The following SPEF2 variants were observed in gnomAD, a reference collection of about 807,000 sequenced individuals.
SPEF2 encodes sperm flagellar and cilia associated 2.
A neutral mutation model predicts 224.6 loss-of-function variants in SPEF2; 187 were observed. That is an observed-to-expected ratio of 0.83 (90% CI 0.74 to 0.94). SPEF2 has a LOEUF of 0.94. Among genes scored for constraint, SPEF2 ranks in the 40% least tolerant of loss-of-function variants. The pLI, the probability that SPEF2 is intolerant of heterozygous loss-of-function variation, is 0.00. For missense variants in SPEF2, 2,170 were observed against 2,135.6 expected (o/e 1.02, Z -0.32); for synonymous variants, 715 against 707.3 (o/e 1.01, Z -0.17).
rs566403427 is a variant in SPEF2, at chr5:35,671,473, T to G, written c.1524+1246T>G. On this transcript the variant is annotated intron_variant, in intron 10 of 36. Transcript: ENST00000356031. ...TGTAAAATATACTAGACCTATTACATCCACCTAAAGTATAATGCCATGTAA... is the reference window on the plus strand; with the variant it reads ...TGTAAAATATACTAGACCTATTACAGCCACCTAAAGTATAATGCCATGTAA... The G allele has an allele frequency of 2.0e-5, 20 of 981,952 alleles. No homozygotes were observed. In the South Asian group the frequency reaches 7.5e-4, roughly 37 times the overall value. The allele number at this position is 981,952 out of a possible 1,614,324, so 60.8% of individuals were successfully genotyped here.
rs1758188009 is a variant in SPEF2 at position 35,807,192 on chromosome 5, T to C, written c.5318T>C (p.Val1773Ala). 1 of 1,614,062 alleles carries C rather than the reference T, an allele frequency of 6.2e-7. No homozygotes were observed. Among genetic ancestry groups the C allele is most frequent in the Non-Finnish European group, 8.5e-7 (1 of 1,179,990 alleles). Residue 1773 changes from valine (V) to alanine (A), a missense_variant, in exon 36 of 37, where the codon GTT (valine) becomes GCT (alanine). Coordinates refer to ENST00000356031, the MANE Select transcript of SPEF2 (RefSeq NM_024867.4). ...AACCTGGAGCCAATTGAAGTCGCTGTTCTCTTGAAGCATCCTTTTATTCAA... is the reference window on the plus strand; with the variant it reads ...AACCTGGAGCCAATTGAAGTCGCTGCTCTCTTGAAGCATCCTTTTATTCAA... Reference protein sequence around the residue: ...AKNLEPIEVAVLLKHPFIQDL... With the variant: ...AKNLEPIEVAALLKHPFIQDL...
chr5:35,660,001 T>C (rs1749491209), intron 8 of SPEF2, among the ~76,000 whole-genome samples: 1 of 152,106 alleles, frequency 6.6e-6, no homozygotes, highest in African/African-American at 2.4e-5. Context: ...TAGTTGAGAA[T>C]GGTATACAGA....
chr5:35,810,451 G>A (rs1049933858), intron 36 of SPEF2, among the ~76,000 whole-genome samples: 2 of 152,100 alleles, frequency 1.3e-5, no homozygotes, highest in Non-Finnish European at 1.5e-5. Context: ...GACCTCAGGC[G>A]ATCCACCCGC....
At chr5:35,693,900 T>C (rs774827937) in intron 12 of SPEF2, among the ~76,000 whole-genome samples, 74 of 152,356 alleles carry the variant, frequency 4.9e-4, no homozygotes, top group Non-Finnish European at 8.1e-4. Context: ...ATAGATAATG[T>C]ACATTTAAAA....
rs540643944 is a variant in SPEF2, at chr5:35,638,871, A to C, written c.162-2560A>C. On this transcript the variant is annotated intron_variant, in intron 2 of 36. Transcript: ENST00000356031. ...TTCCAATGAATAAATGAGGGATATC[A>C]GGGAGTATATCTGCTTAACCATGGA... is the stretch of plus-strand genomic sequence containing the variant. 2.8e-4 allele frequency among the ~76,000 whole-genome samples: 43 copies of C among 152,302 alleles called. 1 individual carries two copies. Among genetic ancestry groups the C allele is most frequent in the African/African-American group, 1.0e-3 (43 of 41,576 alleles).
At chr5:35,763,761 G>C in intron 26 of SPEF2, 59 bp downstream of exon 26, 1 of 1,435,320 alleles carries the variant, frequency 7.0e-7, no homozygotes, top group Non-Finnish European at 9.2e-7. Context: ...TACCAAGGTT[G>C]GTAATATGCT....
intron 23 of SPEF2, among the ~76,000 whole-genome samples, chr5:35,750,735 A>G (rs1045696471): frequency 1.3e-5 from 2 of 151,932 alleles, no homozygotes; most frequent in Admixed American, 6.6e-5. Context: ...GAACACTTCT[A>G]TGCTGCTGAT....
At chr5:35,752,401 A>G (rs1749802338) in intron 23 of SPEF2, among the ~76,000 whole-genome samples, 1 of 152,028 alleles carries the variant, frequency 6.6e-6, no homozygotes, top group Admixed American at 6.6e-5. Context: ...CAATCCTCCC[A>G]TCTTAGCCTC....
intron 19 of SPEF2, chr5:35,710,338 A>C: frequency 1.2e-6 from 1 of 838,302 alleles, no homozygotes; most frequent in Non-Finnish European, 1.4e-6. Flanking sequence ...TGGGCAGATC[A>C]CCAGAAATCA....
chr5:35,727,637 T>G, intron 20 of SPEF2, 38 bp from the exon 21 acceptor site: 1 of 1,563,626 alleles, frequency 6.4e-7, no homozygotes, highest in Non-Finnish European at 8.8e-7. Context: ...GTCCCATTCA[T>G]TTACTTGTAT....
At chr5:35,657,874 G>A (rs1047803095) in intron 7 of SPEF2, among the ~76,000 whole-genome samples, 3 of 152,128 alleles carry the variant, frequency 2.0e-5, no homozygotes, top group Non-Finnish European at 2.9e-5. Flanking sequence ...GCATTTGAAC[G>A]CCAGGCCCTT....
chr5:35,753,619 T>C lies in SPEF2; in HGVS notation c.3331-5T>C. On this transcript the variant is annotated splice_region_variant and splice_polypyrimidine_tract_variant and intron_variant, in intron 23 of 36. Coordinates refer to ENST00000356031, the MANE Select transcript of SPEF2 (RefSeq NM_024867.4). ...ATAGCCACCATGCCTGTTTTTTCTG[T>C]TCAGGATCTGCGAGACCGCCTGTGG... 6.2e-7 allele frequency: 1 copy of C among 1,613,996 alleles called. No homozygotes were observed. The highest frequency in any genetic ancestry group is 8.5e-7 in the Non-Finnish European group (1 of 1,180,006).
intron 32 of SPEF2, among the ~76,000 whole-genome samples, 164 bp from the exon 33 acceptor site, chr5:35,795,539 G>A (rs1428840480): frequency 6.6e-6 from 1 of 152,172 alleles, no homozygotes; most frequent in Non-Finnish European, 1.5e-5. Flanking sequence ...AAAAAGAAAT[G>A]TAAATGGAAG....
At chr5:35,657,276 A>G (rs959030351) in intron 7 of SPEF2, among the ~76,000 whole-genome samples, 3 of 152,192 alleles carry the variant, frequency 2.0e-5, no homozygotes, top group African/African-American at 7.2e-5. Context: ...TGGTGAAGAG[A>G]CAGCCAGAGA....
intron 26 of SPEF2, among the ~76,000 whole-genome samples, chr5:35,766,730 T>A (rs1240803148): frequency 6.6e-6 from 1 of 151,932 alleles, no homozygotes; most frequent in African/African-American, 2.4e-5. Flanking sequence ...TAGATCATAG[T>A]TTATTAGTAT....
Position 35,708,988 on chromosome 5 carries a change from A to T in SPEF2, c.2706A>T (p.Ala902=). 6.2e-7 allele frequency: 1 copy of T among 1,612,912 alleles called. No homozygotes were observed. ...KLEEKEAEKK[A]AASLAELPLP... Reference sequence around the variant, plus strand: ...AAGAAAAGGAAGCTGAGAAAAAAGCAGCAGCTTCCCTGGCTGAGCTTCCAC... The same window carrying T: ...AAGAAAAGGAAGCTGAGAAAAAAGCTGCAGCTTCCCTGGCTGAGCTTCCAC... The change falls in exon 19 of 37, where the codon GCA becomes GCT. Residue 902 remains alanine, a synonymous_variant. Coordinates refer to ENST00000356031, the MANE Select transcript of SPEF2 (RefSeq NM_024867.4).
chr5:35,704,723 A>G, intron 17 of SPEF2, 61 bp downstream of exon 17: 1 of 987,352 alleles, frequency 1.0e-6, no homozygotes, highest in Non-Finnish European at 1.6e-6. Flanking sequence ...ATTGACAACA[A>G]CTTTGGAATC....
At chr5:35,804,763 A>G (rs991572) in intron 34 of SPEF2, among the ~76,000 whole-genome samples, 27,783 of 152,190 alleles carry the variant, frequency 0.18, 3,161 homozygotes, top group African/African-American at 0.32. Context: ...GCCTTTGGAA[A>G]GTAAGTTTCT....
At chr5:35,659,654 C>T (rs912191201) in intron 8 of SPEF2, among the ~76,000 whole-genome samples, 12 of 152,190 alleles carry the variant, frequency 7.9e-5, no homozygotes, top group Non-Finnish European at 1.0e-4. Flanking sequence ...AAATATGTCA[C>T]TCTGTTTTCT....
Sources: gnomAD v4.1 joint callset for allele counts (sites outside exome capture counted in the v4.1 genomes callset) on GRCh38, gnomAD v4.1.1 for gene constraint, MANE v1.5 for transcripts, NCBI Gene and HGNC (gene_info 2026-07-23, HGNC 2026-07-21) for gene names.